The following TBC1D12 variants were observed in gnomAD, a reference collection of about 807,000 sequenced individuals.
TBC1D12 encodes TBC1 domain family member 12, also known as TBC1 domain family, member 12.
A neutral mutation model predicts 86.7 loss-of-function variants in TBC1D12; 56 were observed. The observed-to-expected ratio is 0.65, with a 90% CI of 0.52 to 0.81. The LOEUF is 0.81. Ranked by LOEUF, TBC1D12 falls within the 30% of genes least tolerant of loss-of-function variation. The pLI is 0.00. For synonymous variants in TBC1D12, 421 were observed against 411.7 expected (o/e 1.02, Z -0.27); for missense variants, 1,023 against 1,038.8 (o/e 0.98, Z 0.21).
At chr10:94,414,016 T>C (rs1353351247) in intron 1 of TBC1D12, among the ~76,000 whole-genome samples, 1 of 152,188 alleles carries the variant, frequency 6.6e-6, no homozygotes, top group Admixed American at 6.5e-5. Flanking sequence ...AATACTTCTT[T>C]TGTTGTTGTC....
At chr10:94,433,790 T>C (rs1261743557) in intron 1 of TBC1D12, among the ~76,000 whole-genome samples, 1 of 152,222 alleles carries the variant, frequency 6.6e-6, no homozygotes, top group Non-Finnish European at 1.5e-5. Flanking sequence ...TTAAAAAATA[T>C]GCTTAAGCCC....
intron 2 of TBC1D12, among the ~76,000 whole-genome samples, chr10:94,470,488 A>C (rs955652661): frequency 1.3e-5 from 2 of 151,878 alleles, no homozygotes; most frequent in Non-Finnish European, 2.9e-5. Flanking sequence ...TCAGCCTCCC[A>C]AGTAGCTGAG....
rs1466441044 is a variant in TBC1D12 at position 94,500,287 on chromosome 10, T to C, written c.1479T>C (p.Val493=). Residue 493 remains valine (V), a synonymous_variant, in exon 6 of 13, where the codon GTT becomes GTC. Transcript: ENST00000225235. The part of the protein sequence containing the change: ...QGLPPSVRGK[V]WSLAVGNELN... ...TGCCCCCTAGTGTCCGTGGGAAAGTTTGGAGTCTAGCTGTAGGAAATGAAC... is the reference window on the plus strand; with the variant it reads ...TGCCCCCTAGTGTCCGTGGGAAAGTCTGGAGTCTAGCTGTAGGAAATGAAC... 3.7e-6 allele frequency: 6 copies of C among 1,614,018 alleles called. No homozygotes were observed. The highest frequency in any genetic ancestry group is 1.3e-5 in the African/African-American group (1 of 75,052).
chr10:94,441,138 G>A (rs2055374871), intron 1 of TBC1D12, among the ~76,000 whole-genome samples: 1 of 151,194 alleles, frequency 6.6e-6, no homozygotes, highest in African/African-American at 2.4e-5. Flanking sequence ...GTGAGCCATC[G>A]CACCTGTCCT....
chr10:94,434,431 G>A (rs56031316), intron 1 of TBC1D12, among the ~76,000 whole-genome samples: 1,806 of 151,606 alleles, frequency 0.012, 55 homozygotes, highest in African/African-American at 0.042. Flanking sequence ...GCTTGAACCC[G>A]GGAGATGGAG....
At chr10:94,466,479 G>A (rs1290017219) in intron 2 of TBC1D12, among the ~76,000 whole-genome samples, 6 of 151,948 alleles carry the variant, frequency 3.9e-5, no homozygotes, top group African/African-American at 1.4e-4. Context: ...CAAGTTCACA[G>A]CATTTTAATT....
intron 1 of TBC1D12, among the ~76,000 whole-genome samples, chr10:94,441,659 G>A (rs2055384162): frequency 1.3e-5 from 2 of 152,136 alleles, no homozygotes; most frequent in African/African-American, 2.4e-5. Context: ...GTGCCATGGT[G>A]GTTTGCTGCC....
At chr10:94,423,342 C>CTTTT (rs71486719) in intron 1 of TBC1D12, among the ~76,000 whole-genome samples, 249 of 94,200 alleles carry the variant, frequency 2.6e-3, no homozygotes, top group East Asian at 5.7e-3. Flanking sequence ...CATTCACCAT[C>CTTTT]TTTTTTTTTT....
At chr10:94,423,491 G>A (rs1160383833) in intron 1 of TBC1D12, among the ~76,000 whole-genome samples, 1 of 151,936 alleles carries the variant, frequency 6.6e-6, no homozygotes, top group East Asian at 1.9e-4. Context: ...GGGATTACAG[G>A]TGCCCGCTAC....
intron 5 of TBC1D12, among the ~76,000 whole-genome samples, chr10:94,498,114 C>T (rs997476881): frequency 2.0e-5 from 3 of 152,030 alleles, no homozygotes; most frequent in Admixed American, 6.6e-5. Context: ...CCACCGTGCC[C>T]GGCCTAGTTA....
chr10:94,403,602 T>C lies in TBC1D12; in HGVS notation c.971+18T>C. 3.5e-6 allele frequency: 5 copies of C among 1,436,436 alleles called. No individual in the cohort carries two copies. The highest frequency in any genetic ancestry group is 4.5e-6 in the Non-Finnish European group (5 of 1,102,988). The allele number at this position is 1,436,436 out of a possible 1,614,324, so 89.0% of individuals were successfully genotyped here. ...TTCACCAGGTACAGCGCAGGCTGCA[T>C]GGGACTCGGGGCGGGTCCGGGGCCG... On this transcript the variant is annotated intron_variant, in intron 1 of 12. Coordinates refer to ENST00000225235, the MANE Select transcript of TBC1D12 (RefSeq NM_015188.2).
At chr10:94,531,983 C>G (rs940923016) in intron 12 of TBC1D12, among the ~76,000 whole-genome samples, 8 of 150,916 alleles carry the variant, frequency 5.3e-5, no homozygotes, top group Admixed American at 6.7e-5. Context: ...TGGGTTCACA[C>G]CATTCTCCTG....
At chr10:94,456,819 G>A (rs979489467) in intron 2 of TBC1D12, among the ~76,000 whole-genome samples, 7 of 152,134 alleles carry the variant, frequency 4.6e-5, no homozygotes, top group South Asian at 2.1e-4. Flanking sequence ...AGTTCTATCC[G>A]TTTTTGCCTC....
At position 94,535,232 on chromosome 10, in the gene TBC1D12, C is replaced by A. The variant is rs1842522075; in HGVS notation, c.*2136C>A. 1 of 152,128 alleles carries A rather than the reference C, an allele frequency of 6.6e-6. No homozygotes were observed. The highest frequency in any genetic ancestry group is 1.5e-5 in the Non-Finnish European group (1 of 68,024). The allele number at this position is 152,128 out of a possible 1,614,324, so 9.4% of individuals were successfully genotyped here. On this transcript the variant is annotated 3_prime_UTR_variant, in exon 13 of 13. Transcript: ENST00000225235. The stretch of plus-strand genomic sequence containing the variant: ...AAGGCTATATCTGATTGACAGAGAT[C>A]TCTGATCTCTAATGACATATTGCTA...
chr10:94,476,666 C>CT (rs2055992259), intron 3 of TBC1D12, among the ~76,000 whole-genome samples: 1 of 152,128 alleles, frequency 6.6e-6, no homozygotes, highest in African/African-American at 2.4e-5. Flanking sequence ...ATGGATTATG[C>CT]TTTTTACCGG....
chr10:94,466,418 ATATATATG>A (rs149545572), intron 2 of TBC1D12, among the ~76,000 whole-genome samples: 9 of 152,014 alleles, frequency 5.9e-5, no homozygotes, highest in Admixed American at 3.3e-4. Flanking sequence ...TTGACAACAT[ATATATATG>A]TATATATGTA....
chr10:94,465,930 A>C (rs1313517153), intron 2 of TBC1D12, among the ~76,000 whole-genome samples: 1 of 151,112 alleles, frequency 6.6e-6, no homozygotes, highest in African/African-American at 2.4e-5. Flanking sequence ...ATATATGCGT[A>C]TATATGTATA....
At chr10:94,520,271 A>G (rs1417691529) in intron 9 of TBC1D12, among the ~76,000 whole-genome samples, 1 of 152,084 alleles carries the variant, frequency 6.6e-6, no homozygotes, top group Non-Finnish European at 1.5e-5. Context: ...GGGAGCTGAG[A>G]GCCGGGTGCA....
chr10:94,462,905 A>C lies in TBC1D12; in HGVS notation c.1096-11763A>C, dbSNP rs564557250. 5.3e-5 allele frequency among the ~76,000 whole-genome samples: 8 copies of C among 152,104 alleles called. No individual in the cohort carries two copies. In the South Asian group the frequency reaches 1.7e-3, roughly 32 times the overall value. On this transcript the variant is annotated intron_variant, in intron 2 of 12. Coordinates refer to ENST00000225235, the MANE Select transcript of TBC1D12 (RefSeq NM_015188.2). ...TTCTTGTTTTTTGTGTGTTCTGTTC[A>C]TTGATTTCTGTTCTTTATTATTTAC...
Sources: gnomAD v4.1 joint callset for allele counts (sites outside exome capture counted in the v4.1 genomes callset) on GRCh38, gnomAD v4.1.1 for gene constraint, MANE v1.5 for transcripts, NCBI Gene and HGNC (gene_info 2026-07-23, HGNC 2026-07-21) for gene names.